KCNQ1OT1: variants seen among roughly 807,000 people sequenced by gnomAD.
KCNQ1OT1 encodes KCNQ1 opposite strand/antisense transcript 1, also known as KCNQ1 antisense RNA 2 (non-protein coding).
chr11:2,679,797 T>C lies in KCNQ1OT1; in HGVS notation n.20198A>G. 2.5e-6 allele frequency: 1 copy of C among 398,608 alleles called. No individual in the cohort carries two copies. 24.7% of individuals were successfully genotyped at this position (398,608 alleles called of 1,614,324 possible). A position where few individuals can be genotyped will look rare whatever the true frequency, so the allele number is the denominator to read the frequency against. ...AGGGCCTGTTAGGCCAGTTGAGGGCTAGAGGAGCACAAGGGGCCAGACTGC... is the reference window on the plus strand; with the variant it reads ...AGGGCCTGTTAGGCCAGTTGAGGGCCAGAGGAGCACAAGGGGCCAGACTGC... On this transcript the variant is annotated non_coding_transcript_exon_variant, in exon 1 of 1. Coordinates refer to ENST00000597346, the Ensembl canonical transcript of KCNQ1OT1. The surrounding 1 kb of genome is among the most constrained non-coding windows in gnomAD (Gnocchi z 4.8).
Position 2,627,346 on chromosome 11 carries a change from A to C in KCNQ1OT1, n.72649T>G. 1 of 398,524 alleles carries C rather than the reference A, an allele frequency of 2.5e-6. No homozygotes were observed. 24.7% of individuals were successfully genotyped at this position (398,524 alleles called of 1,614,324 possible). ...CAGAATACCTAAGCTATACTCTCTT[A>C]GCAAATTCCAAGTATAGAATATATT... On this transcript the variant is annotated non_coding_transcript_exon_variant, in exon 1 of 1. Transcript: ENST00000597346. This position sits in a 1 kb window ranked among gnomAD's most constrained non-coding sequence, Gnocchi z 4.9.
At chr11:2,696,457 G>A (rs528517753) in exon 1 of KCNQ1OT1, 223 of 398,618 alleles carry the variant, frequency 5.6e-4, no homozygotes, top group Middle Eastern at 2.5e-3. Flanking sequence ...TCACCACACC[G>A]CTCTGATTGC....
exon 1 of KCNQ1OT1, chr11:2,648,981 C>CTTTTTTCTTTTTT (rs1849710956): frequency 2.8e-5 from 6 of 213,276 alleles, no homozygotes; most frequent in African/African-American, 8.9e-5. Flanking sequence ...TTTTCTTTTT[C>CTTTTTTCTTTTTT]TTTTTTTTTT....
Position 2,659,525 on chromosome 11 carries a change from G to A in KCNQ1OT1, n.40470C>T, listed in dbSNP as rs1245573346. ...TCACCTGTTGAAGGACATCTTCATTGTTTCCAGTATTTGGTAATTATGAGC... is the reference window on the plus strand; with the variant it reads ...TCACCTGTTGAAGGACATCTTCATTATTTCCAGTATTTGGTAATTATGAGC... On this transcript the variant is annotated non_coding_transcript_exon_variant, in exon 1 of 1. Coordinates refer to ENST00000597346, the Ensembl canonical transcript of KCNQ1OT1. This position sits in a 1 kb window ranked among gnomAD's most constrained non-coding sequence, Gnocchi z 4.3. 1 of 398,464 alleles carries A rather than the reference G, an allele frequency of 2.5e-6. No homozygotes were observed. Among genetic ancestry groups the A allele is most frequent in the Non-Finnish European group, 4.4e-6 (1 of 226,006 alleles). The allele number at this position is 398,464 out of a possible 1,614,324, so 24.7% of individuals were successfully genotyped here.
Position 2,654,083 on chromosome 11 carries a change from T to C in KCNQ1OT1, n.45912A>G, listed in dbSNP as rs994061862. The C allele has an allele frequency of 1.0e-5, 4 of 398,638 alleles. No homozygotes were observed. Among genetic ancestry groups the C allele is most frequent in the Non-Finnish European group, 1.8e-5 (4 of 226,146 alleles). The allele number at this position is 398,638 out of a possible 1,614,324, so 24.7% of individuals were successfully genotyped here. Reference sequence around the variant, plus strand: ...ATGGCTTTTACACTTTCCATCCATGTCCCTTACTTCTCGCCTCTGAGTGGA... The same window carrying C: ...ATGGCTTTTACACTTTCCATCCATGCCCCTTACTTCTCGCCTCTGAGTGGA... On this transcript the variant is annotated non_coding_transcript_exon_variant, in exon 1 of 1. Coordinates refer to ENST00000597346, the Ensembl canonical transcript of KCNQ1OT1. This position sits in a 1 kb window ranked among gnomAD's most constrained non-coding sequence, Gnocchi z 6.4.
rs1850512350 is a variant in KCNQ1OT1 at position 2,687,573 on chromosome 11, G to A, written n.12422C>T. 1 of 398,592 alleles carries A rather than the reference G, an allele frequency of 2.5e-6. No individual in the cohort carries two copies. Among genetic ancestry groups the A allele is most frequent in the Non-Finnish European group, 4.4e-6 (1 of 226,160 alleles). The allele number at this position is 398,592 out of a possible 1,614,324, so 24.7% of individuals were successfully genotyped here. A position where few individuals can be genotyped will look rare whatever the true frequency, so the allele number is the denominator to read the frequency against. On this transcript the variant is annotated non_coding_transcript_exon_variant, in exon 1 of 1. Transcript: ENST00000597346. This position sits in a 1 kb window ranked among gnomAD's most constrained non-coding sequence, Gnocchi z 5.0. ...CCACAGCCCACTCTGATGACCCCCT[G>A]TCAAGGAGGTGTGACTGAGAAAGGA...
chr11:2,625,581 T>C lies in KCNQ1OT1; in HGVS notation n.74414A>G, dbSNP rs553026692. Reference sequence around the variant, plus strand: ...ACGTCTGTCCAAGTCCTTTGCCCTTTTTTTTTTTTTTTTGAGATGGAGTCT... The same window carrying C: ...ACGTCTGTCCAAGTCCTTTGCCCTTCTTTTTTTTTTTTTGAGATGGAGTCT... On this transcript the variant is annotated non_coding_transcript_exon_variant, in exon 1 of 1. Transcript: ENST00000597346. The C allele has an allele frequency of 1.3e-3, 275 of 204,444 alleles. 1 individual carries two copies. Among genetic ancestry groups the C allele is most frequent in the Middle Eastern group, 1.5e-3 (1 of 646 alleles). 12.7% of individuals were successfully genotyped at this position (204,444 alleles called of 1,614,324 possible).
In KCNQ1OT1 at chr11:2,668,404, C is replaced by T. The variant is rs56113342; in HGVS notation, n.31591G>A. 2.5e-6 allele frequency: 1 copy of T among 398,482 alleles called. No individual in the cohort carries two copies. The highest frequency in any genetic ancestry group is 4.4e-6 in the Non-Finnish European group (1 of 226,076). 24.7% of individuals were successfully genotyped at this position (398,482 alleles called of 1,614,324 possible). On this transcript the variant is annotated non_coding_transcript_exon_variant, in exon 1 of 1. Transcript: ENST00000597346. This position sits in a 1 kb window ranked among gnomAD's most constrained non-coding sequence, Gnocchi z 4.3. ...CCAGCAGTCTACCAAAGGAGTCATT[C>T]CAATTTTCATTCCCACAGGCAGCAT... is the stretch of plus-strand genomic sequence containing the variant.
At position 2,678,145 on chromosome 11, in the gene KCNQ1OT1, G is replaced by A. The variant is rs1320408017; in HGVS notation, n.21850C>T. 2 of 397,912 alleles carry A rather than the reference G, an allele frequency of 5.0e-6. No homozygotes were observed. Among genetic ancestry groups the A allele is most frequent in the African/African-American group, 2.1e-5 (1 of 48,498 alleles). 24.6% of individuals were successfully genotyped at this position (397,912 alleles called of 1,614,324 possible). On this transcript the variant is annotated non_coding_transcript_exon_variant, in exon 1 of 1. Transcript: ENST00000597346. This position sits in a 1 kb window ranked among gnomAD's most constrained non-coding sequence, Gnocchi z 4.9. Reference sequence around the variant, plus strand: ...AAATATTTTATCCTCATTTTCCTTAGGTGTTTTGGCTTTTTCTATAATATT... The same window carrying A: ...AAATATTTTATCCTCATTTTCCTTAAGTGTTTTGGCTTTTTCTATAATATT...
At chr11:2,638,895 T>G (rs1220375265) in exon 1 of KCNQ1OT1, 2 of 152,206 alleles carry the variant, frequency 1.3e-5, no homozygotes, top group Non-Finnish European at 2.9e-5. Flanking sequence ...CCATATTTCT[T>G]GGAGGCTTTG....
rs1381784502 is a variant in KCNQ1OT1 at position 2,642,280 on chromosome 11, A to T, written n.57715T>A. The T allele has an allele frequency of 2.5e-6, 1 of 398,044 alleles. No homozygotes were observed. The highest frequency in any genetic ancestry group is 2.1e-5 in the African/African-American group (1 of 48,554). 24.7% of individuals were successfully genotyped at this position (398,044 alleles called of 1,614,324 possible). A position where few individuals can be genotyped will look rare whatever the true frequency, so the allele number is the denominator to read the frequency against. Reference sequence around the variant, plus strand: ...GGATGTTTTTTGTGTGTTCTTTTCAATTTCTTTCATCAGACTTTTGTAGTT... The same window carrying T: ...GGATGTTTTTTGTGTGTTCTTTTCATTTTCTTTCATCAGACTTTTGTAGTT... On this transcript the variant is annotated non_coding_transcript_exon_variant, in exon 1 of 1. Coordinates refer to ENST00000597346, the Ensembl canonical transcript of KCNQ1OT1. This position sits in a 1 kb window ranked among gnomAD's most constrained non-coding sequence, Gnocchi z 4.3.
chr11:2,647,218 T>C lies in KCNQ1OT1; in HGVS notation n.52777A>G, dbSNP rs918436857. ...AATTTTATCAGATGCTTTTTCTGCA[T>C]CTATTGAGATGATCATGTATTTTTT... is the stretch of plus-strand genomic sequence containing the variant. On this transcript the variant is annotated non_coding_transcript_exon_variant, in exon 1 of 1. Transcript: ENST00000597346. This position sits in a 1 kb window ranked among gnomAD's most constrained non-coding sequence, Gnocchi z 4.0. The C allele has an allele frequency of 2.5e-6, 1 of 398,420 alleles. No individual in the cohort carries two copies. The highest frequency in any genetic ancestry group is 2.1e-5 in the African/African-American group (1 of 48,628). 24.7% of individuals were successfully genotyped at this position (398,420 alleles called of 1,614,324 possible).
At position 2,657,871 on chromosome 11, in the gene KCNQ1OT1, G is replaced by T. The variant is rs956657732; in HGVS notation, n.42124C>A. On this transcript the variant is annotated non_coding_transcript_exon_variant, in exon 1 of 1. Transcript: ENST00000597346. The surrounding 1 kb of genome is among the most constrained non-coding windows in gnomAD (Gnocchi z 4.8). ...GACCAGGGTTATAGGTTTAGGGGAA[G>T]GAGGCCAGTGAGGTGAGATGCTTTC... 1.5e-5 allele frequency: 6 copies of T among 398,520 alleles called. No homozygotes were observed. The highest frequency in any genetic ancestry group is 2.2e-5 in the Non-Finnish European group (5 of 226,070). The allele number at this position is 398,520 out of a possible 1,614,324, so 24.7% of individuals were successfully genotyped here.
rs16928533 is a variant in KCNQ1OT1, at chr11:2,671,508, T to C, written n.28487A>G. 5,714 of 398,544 alleles carry C rather than the reference T, an allele frequency of 0.014. 195 individuals carry two copies. Among genetic ancestry groups the C allele is most frequent in the East Asian group, 0.095 (2,675 of 28,048 alleles). 24.7% of individuals were successfully genotyped at this position (398,544 alleles called of 1,614,324 possible). A position where few individuals can be genotyped will look rare whatever the true frequency, so the allele number is the denominator to read the frequency against. On this transcript the variant is annotated non_coding_transcript_exon_variant, in exon 1 of 1. Transcript: ENST00000597346. This position sits in a 1 kb window ranked among gnomAD's most constrained non-coding sequence, Gnocchi z 4.7. Reference sequence around the variant, plus strand: ...AGAAAGGGATTATTTTTAGGGCCAATTCAAGGGATTTTTCAAAGGTTAATT... The same window carrying C: ...AGAAAGGGATTATTTTTAGGGCCAACTCAAGGGATTTTTCAAAGGTTAATT...
At chr11:2,619,797 G>GT (rs139199991) in exon 1 of KCNQ1OT1, 4,365 of 398,078 alleles carry the variant, frequency 0.011, 92 homozygotes, top group South Asian at 0.051. Context: ...ATATTGGGTA[G>GT]TATTCAGTCA....
At chr11:2,656,644 AT>A (rs1286917886) in exon 1 of KCNQ1OT1, 2 of 397,884 alleles carry the variant, frequency 5.0e-6, no homozygotes, top group African/African-American at 4.1e-5. Context: ...TTTCCTATTG[AT>A]TTGTAGGAGT....
Position 2,669,601 on chromosome 11 carries a change from G to A in KCNQ1OT1, n.30394C>T. 2.5e-6 allele frequency: 1 copy of A among 398,586 alleles called. No homozygotes were observed. Among genetic ancestry groups the A allele is most frequent in the East Asian group, 3.6e-5 (1 of 28,078 alleles). 24.7% of individuals were successfully genotyped at this position (398,586 alleles called of 1,614,324 possible). On this transcript the variant is annotated non_coding_transcript_exon_variant, in exon 1 of 1. Coordinates refer to ENST00000597346, the Ensembl canonical transcript of KCNQ1OT1. The surrounding 1 kb of genome is among the most constrained non-coding windows in gnomAD (Gnocchi z 5.6). ...TTTCATCCTGCCCACAGGACACTGG[G>A]GCAGTCACCTAATCTCTATCAGCCT...
chr11:2,641,210 T>C (rs1849571279), exon 1 of KCNQ1OT1: 1 of 398,526 alleles, frequency 2.5e-6, no homozygotes, highest in Admixed American at 4.4e-5. Context: ...GATTATGTCA[T>C]ATTTCTCTTT....
At chr11:2,665,026 G>C (rs748704337) in exon 1 of KCNQ1OT1, 2 of 398,534 alleles carry the variant, frequency 5.0e-6, no homozygotes, top group Non-Finnish European at 8.8e-6. Flanking sequence ...GAGGTGGGGT[G>C]GGGGGTGAGC....
Sources: gnomAD v4.1 joint callset for allele counts on GRCh38, gnomAD v4.1.1 for gene constraint, Gnocchi (gnomAD v3.1) non-coding constraint, MANE v1.5 for transcripts, NCBI Gene and HGNC (gene_info 2026-07-23, HGNC 2026-07-21) for gene names.